DLG2: variants seen among roughly 807,000 people sequenced by gnomAD.
DLG2 encodes the protein discs large MAGUK scaffold protein 2, also known as disks large homolog 2.
DLG2 carries 45 observed loss-of-function variants against 132.5 expected under a neutral mutation model. The ratio of observed to expected loss-of-function variants is 0.34; its 90% CI spans 0.27 to 0.44. The LOEUF (loss-of-function observed/expected upper bound fraction) is 0.44. Among genes scored for constraint, DLG2 ranks in the 20% least tolerant of loss-of-function variants. DLG2 has a pLI of 1.00. For missense variants in DLG2, 1,045 were observed against 1,196.9 expected (o/e 0.87, Z 1.87); for synonymous variants, 424 against 419.6 (o/e 1.01, Z -0.13).
intron 8 of DLG2, among the ~76,000 whole-genome samples, chr11:84,169,063 AGTGCGAGTTTGGG>A: frequency 6.6e-6 from 1 of 152,298 alleles, no homozygotes; most frequent in South Asian, 2.1e-4. Flanking sequence ...ATTTTTGATG[AGTGCGAGTTTGGG>A]TAAGTTCCTT....
At chr11:84,139,292 A>G (rs2094737321) in intron 9 of DLG2, among the ~76,000 whole-genome samples, 2 of 152,282 alleles carry the variant, frequency 1.3e-5, no homozygotes, top group South Asian at 2.1e-4. Context: ...CAGGCACCAC[A>G]GTAGGCATTC....
intron 19 of DLG2, among the ~76,000 whole-genome samples, chr11:83,609,940 C>T (rs1471050796): frequency 6.6e-6 from 1 of 152,132 alleles, no homozygotes; most frequent in African/African-American, 2.4e-5. Flanking sequence ...GTTTTAAATA[C>T]TTGGTACTTG....
At chr11:83,811,137 CT>C (rs1363206494) in intron 17 of DLG2, among the ~76,000 whole-genome samples, 1 of 152,026 alleles carries the variant, frequency 6.6e-6, no homozygotes, top group Non-Finnish European at 1.5e-5. Flanking sequence ...GGAATATCTA[CT>C]TCAAAATGGT....
chr11:85,507,917 T>C (rs2093972103), intron 3 of DLG2, among the ~76,000 whole-genome samples: 1 of 152,160 alleles, frequency 6.6e-6, no homozygotes, highest in Non-Finnish European at 1.5e-5. Flanking sequence ...TTTCACTCTT[T>C]TTTCTCTAAA....
rs112894095 is a variant in DLG2, at chr11:83,992,294, G to A, written c.920-11652C>T. On this transcript the variant is annotated intron_variant, in intron 11 of 27. Coordinates refer to ENST00000376104, the MANE Select transcript of DLG2 (RefSeq NM_001142699.3). Reference sequence around the variant, plus strand: ...TATTTTCTACTACAGAATAGGACAAGTATAAAAATCATGAAAATGCAGTGT... The same window carrying A: ...TATTTTCTACTACAGAATAGGACAAATATAAAAATCATGAAAATGCAGTGT... 7.9e-5 allele frequency among the ~76,000 whole-genome samples: 12 copies of A among 152,256 alleles called. 1 individual carries two copies. The highest frequency in any genetic ancestry group is 2.9e-4 in the African/African-American group (12 of 41,560).
chr11:84,956,178 G>A (rs1025327796), intron 6 of DLG2, among the ~76,000 whole-genome samples: 5 of 152,172 alleles, frequency 3.3e-5, no homozygotes, highest in Non-Finnish European at 7.3e-5. Context: ...CACTTAAGTT[G>A]AGGTCTCTTT....
intron 3 of DLG2, among the ~76,000 whole-genome samples, chr11:85,554,312 TAAAC>T (rs896527956): frequency 4.0e-5 from 6 of 151,512 alleles, no homozygotes; most frequent in Admixed American, 6.6e-5. Flanking sequence ...AAATGAAAAA[TAAAC>T]AATTACAAGT....
intron 6 of DLG2, among the ~76,000 whole-genome samples, chr11:84,670,089 C>T (rs552191118): frequency 5.9e-5 from 9 of 152,238 alleles, no homozygotes; most frequent in South Asian, 2.1e-4. Flanking sequence ...AGGTCCTGCA[C>T]GCCATCCAAA....
At chr11:83,837,511 C>A (rs1042703975) in intron 16 of DLG2, among the ~76,000 whole-genome samples, 1 of 152,064 alleles carries the variant, frequency 6.6e-6, no homozygotes, top group African/African-American at 2.4e-5. Flanking sequence ...CATAGCACTA[C>A]TGACACTGCA....
At chr11:84,588,109 C>T (rs191937839) in intron 6 of DLG2, among the ~76,000 whole-genome samples, 51 of 152,252 alleles carry the variant, frequency 3.3e-4, no homozygotes, top group Admixed American at 2.9e-3. Context: ...CTGTTCTAGG[C>T]TCACCAAATT....
At chr11:84,975,387 G>C (rs888848386) in intron 6 of DLG2, among the ~76,000 whole-genome samples, 3 of 152,146 alleles carry the variant, frequency 2.0e-5, no homozygotes, top group Non-Finnish European at 4.4e-5. Context: ...CTTCAAAAAA[G>C]AATGGGGAAA....
chr11:84,784,027 G>C (rs989081283), intron 6 of DLG2, among the ~76,000 whole-genome samples: 2 of 150,856 alleles, frequency 1.3e-5, no homozygotes, highest in African/African-American at 2.4e-5. Flanking sequence ...GCTGGGCACA[G>C]TGGCTCACAC....
At chr11:84,946,348 GA>G (rs1318503157) in intron 6 of DLG2, among the ~76,000 whole-genome samples, 2 of 151,990 alleles carry the variant, frequency 1.3e-5, no homozygotes, top group African/African-American at 4.8e-5. Context: ...GCCCAGCAAT[GA>G]GTCTCACCCA....
At chr11:84,366,697 G>C (rs936582118) in intron 7 of DLG2, among the ~76,000 whole-genome samples, 5 of 152,042 alleles carry the variant, frequency 3.3e-5, no homozygotes, top group Non-Finnish European at 7.4e-5. Flanking sequence ...AACCAACAAA[G>C]ATCAAAAGAG....
intron 6 of DLG2, among the ~76,000 whole-genome samples, chr11:84,961,706 A>C (rs1566515700): frequency 6.6e-6 from 1 of 152,216 alleles, no homozygotes; most frequent in Non-Finnish European, 1.5e-5. Flanking sequence ...TTAATAAAAC[A>C]AAACTGTAAA....
intron 10 of DLG2, among the ~76,000 whole-genome samples, chr11:84,084,719 T>C (rs2096951201): frequency 6.6e-6 from 1 of 151,710 alleles, no homozygotes; most frequent in East Asian, 1.9e-4. Flanking sequence ...TTAACTTACC[T>C]TTTTTGTTAA....
At chr11:85,413,406 A>T (rs1006994367) in intron 3 of DLG2, among the ~76,000 whole-genome samples, 1 of 152,112 alleles carries the variant, frequency 6.6e-6, no homozygotes. Context: ...TCTTTAGTTT[A>T]ATTAAGCCCC....
chr11:85,105,017 C>G (rs758627180), intron 6 of DLG2, among the ~76,000 whole-genome samples: 13 of 151,514 alleles, frequency 8.6e-5, no homozygotes, highest in Admixed American at 5.3e-4. Context: ...AAGCTGGGGA[C>G]ACTGAGCATA....
At chr11:85,520,768 T>C (rs1471129800) in intron 3 of DLG2, among the ~76,000 whole-genome samples, 1 of 152,072 alleles carries the variant, frequency 6.6e-6, no homozygotes, top group Non-Finnish European at 1.5e-5. Flanking sequence ...GAAGAAAGGA[T>C]AGTCTCCTCA....
Sources: allele counts gnomAD v4.1 joint callset (sites outside exome capture counted in the v4.1 genomes callset), GRCh38; gene constraint gnomAD v4.1.1; transcripts MANE v1.5; gene names NCBI Gene and HGNC (gene_info 2026-07-23, HGNC 2026-07-21).